DLG2: variants seen among roughly 807,000 people sequenced by gnomAD.
The protein encoded by DLG2 is discs large MAGUK scaffold protein 2.
DLG2 carries 45 observed loss-of-function variants against 132.5 expected under a neutral mutation model. The ratio of observed to expected loss-of-function variants is 0.34; its 90% CI spans 0.27 to 0.44. The LOEUF (loss-of-function observed/expected upper bound fraction) is 0.44, where lower values mean the gene tolerates loss of function less well. Ranked by LOEUF, DLG2 falls within the 20% of genes least tolerant of loss-of-function variation. The probability of loss-of-function intolerance (pLI) is 1.00; values close to 1 mark genes in which losing one functional copy is unlikely to be tolerated. For missense variants in DLG2, 1,045 were observed against 1,196.9 expected, an observed-to-expected ratio of 0.87 and a Z score of 1.87; for synonymous variants, 424 against 419.6, an observed-to-expected ratio of 1.01 and a Z score of -0.13.
chr11:84,091,071 T>C (rs959570431), intron 10 of DLG2, among the ~76,000 whole-genome samples: 3 of 152,190 alleles, frequency 2.0e-5, no homozygotes, highest in African/African-American at 7.2e-5. Flanking sequence ...ATTAGCTTTG[T>C]GTAGTGCAAA....
intron 14 of DLG2, among the ~76,000 whole-genome samples, chr11:83,946,706 T>C (rs554941795): frequency 5.1e-4 from 78 of 152,294 alleles, no homozygotes; most frequent in African/African-American, 1.7e-3. Flanking sequence ...AGACAAAAAA[T>C]TGTGACTTTC....
At chr11:83,926,117 T>C (rs555436105) in intron 15 of DLG2, among the ~76,000 whole-genome samples, 180 of 150,902 alleles carry the variant, frequency 1.2e-3, no homozygotes, top group Non-Finnish European at 2.1e-3. Context: ...CTGTTTTCTT[T>C]TAAACGGTCT....
intron 18 of DLG2, among the ~76,000 whole-genome samples, chr11:83,727,758 T>C (rs1413044687): frequency 1.3e-5 from 2 of 152,210 alleles, no homozygotes; most frequent in African/African-American, 4.8e-5. Flanking sequence ...TTGGTTCTAG[T>C]CCAACCTCCG....
chr11:83,851,451 CTCT>C (rs2059757697), intron 16 of DLG2, among the ~76,000 whole-genome samples: 1 of 151,324 alleles, frequency 6.6e-6, no homozygotes, highest in African/African-American at 2.4e-5. Flanking sequence ...ATGGTGAAAC[CTCT>C]TCTCTACTAA....
At chr11:83,659,358 G>C (rs2073644939) in intron 18 of DLG2, among the ~76,000 whole-genome samples, 1 of 152,156 alleles carries the variant, frequency 6.6e-6, no homozygotes, top group Non-Finnish European at 1.5e-5. Flanking sequence ...ACCCAGACCA[G>C]AGCATCTGCA....
At chr11:83,501,919 A>T (rs2094466298) in intron 21 of DLG2, among the ~76,000 whole-genome samples, 1 of 152,094 alleles carries the variant, frequency 6.6e-6, no homozygotes, top group South Asian at 2.1e-4. Flanking sequence ...TGCTCTATTG[A>T]TGCTAGTTTT....
At chr11:83,875,235 A>G (rs2064462441) in intron 15 of DLG2, among the ~76,000 whole-genome samples, 1 of 152,180 alleles carries the variant, frequency 6.6e-6, no homozygotes, top group African/African-American at 2.4e-5. Flanking sequence ...GATTACCTGT[A>G]ACAAGAAAAG....
intron 6 of DLG2, among the ~76,000 whole-genome samples, chr11:84,700,489 GCTAA>G (rs1228472921): frequency 6.6e-6 from 1 of 151,618 alleles, no homozygotes; most frequent in African/African-American, 2.4e-5. Flanking sequence ...ATCAAGTATA[GCTAA>G]CCAAAATATC....
chr11:85,492,014 A>G (rs2093571138), intron 3 of DLG2, among the ~76,000 whole-genome samples: 1 of 149,556 alleles, frequency 6.7e-6, no homozygotes, highest in Admixed American at 6.6e-5. Context: ...TAGAATATCA[A>G]AACAGCAAGA....
intron 6 of DLG2, among the ~76,000 whole-genome samples, chr11:84,716,626 C>A (rs1484308016): frequency 6.7e-6 from 1 of 150,372 alleles, no homozygotes; most frequent in Non-Finnish European, 1.5e-5. Flanking sequence ...AGAAAAAAAC[C>A]TTTTAGAAGA....
intron 18 of DLG2, among the ~76,000 whole-genome samples, chr11:83,687,334 C>A (rs1350423312): frequency 6.6e-6 from 1 of 152,122 alleles, no homozygotes; most frequent in African/African-American, 2.4e-5. Context: ...GAGTAACCTG[C>A]CCCAGGTTTC....
intron 3 of DLG2, among the ~76,000 whole-genome samples, chr11:85,546,254 C>T (rs368498604): frequency 2.6e-5 from 4 of 152,238 alleles, no homozygotes; most frequent in Middle Eastern, 3.4e-3. Flanking sequence ...ATTTACCCAG[C>T]AGTCATTCAG....
intron 3 of DLG2, among the ~76,000 whole-genome samples, chr11:85,320,141 A>G (rs1320502044): frequency 3.9e-5 from 6 of 151,922 alleles, no homozygotes; most frequent in Non-Finnish European, 7.4e-5. Flanking sequence ...CATCCTGTAG[A>G]TAAGTTACCA....
intron 8 of DLG2, among the ~76,000 whole-genome samples, chr11:84,249,772 C>A (rs2097348104): frequency 6.6e-6 from 1 of 152,212 alleles, no homozygotes; most frequent in Non-Finnish European, 1.5e-5. Flanking sequence ...GGTCTCTTGG[C>A]TCCTTCCAGT....
chr11:85,139,461 T>C (rs4245415), intron 5 of DLG2, among the ~76,000 whole-genome samples: 4,027 of 152,216 alleles, frequency 0.026, 87 homozygotes, highest in Non-Finnish European at 0.043. Context: ...AACATACACA[T>C]AAACAATAGT....
chr11:84,693,787 C>A (rs753235018), intron 6 of DLG2, among the ~76,000 whole-genome samples: 1 of 151,616 alleles, frequency 6.6e-6, no homozygotes, highest in Non-Finnish European at 1.5e-5. Context: ...AGTCACACAG[C>A]TTCAGAAGTC....
intron 14 of DLG2, among the ~76,000 whole-genome samples, chr11:83,937,507 C>CAAAA (rs11313794): frequency 6.8e-5 from 5 of 73,772 alleles, no homozygotes; most frequent in African/African-American, 1.4e-4. Context: ...GACTCCATCT[C>CAAAA]AAAAAAAAAA....
chr11:85,357,177 T>C (rs1376583420), intron 3 of DLG2, among the ~76,000 whole-genome samples: 1 of 151,772 alleles, frequency 6.6e-6, no homozygotes, highest in Non-Finnish European at 1.5e-5. Context: ...CTTTTCACTA[T>C]GCATACCTCC....
intron 6 of DLG2, among the ~76,000 whole-genome samples, chr11:84,853,917 T>A (rs1006623820): frequency 6.6e-6 from 1 of 152,070 alleles, no homozygotes; most frequent in Non-Finnish European, 1.5e-5. Flanking sequence ...TTAGATGATC[T>A]TTCTCATTTT....
Sources: allele counts gnomAD v4.1 joint callset (sites outside exome capture counted in the v4.1 genomes callset), GRCh38; gene constraint gnomAD v4.1.1; transcripts MANE v1.5; gene names NCBI Gene and HGNC (gene_info 2026-07-23, HGNC 2026-07-21).